Variants in CDC42BPA observed in about 807,000 individuals in gnomAD.
CDC42BPA encodes the protein serine/threonine-protein kinase MRCK alpha.
Under a neutral mutation model 223.5 loss-of-function variants are expected in CDC42BPA, and 80 were observed. That is an observed-to-expected ratio of 0.36 (90% CI 0.30 to 0.43). The LOEUF is 0.43. CDC42BPA is among the 20% of genes least tolerant of loss of function. The probability of loss-of-function intolerance (pLI) is 1.00; values close to 1 mark genes in which losing one functional copy is unlikely to be tolerated. For missense variants in CDC42BPA, 1,743 were observed against 2,099.9 expected (o/e 0.83, Z 3.32); for synonymous variants, 694 against 718.6 (o/e 0.97, Z 0.55).
intron 2 of CDC42BPA, among the ~76,000 whole-genome samples, chr1:227,232,992 T>G (rs1215652707): frequency 6.6e-6 from 1 of 152,176 alleles, no homozygotes; most frequent in African/African-American, 2.4e-5. Flanking sequence ...TCTGCCACCT[T>G]GCAGTTCGAT....
rs923643078 is a variant in CDC42BPA, at chr1:227,318,110, A to T, written c.-928T>A. 4.0e-5 allele frequency: 3 copies of T among 74,488 alleles called. No homozygotes were observed. The highest frequency in any genetic ancestry group is 6.1e-5 in the Non-Finnish European group (3 of 49,322). The allele number at this position is 74,488 out of a possible 1,614,324, so 4.6% of individuals were successfully genotyped here. A position where few individuals can be genotyped will look rare whatever the true frequency, so the allele number is the denominator to read the frequency against. On this transcript the variant is annotated 5_prime_UTR_variant, in exon 1 of 37. Transcript: ENST00000366766. ...GGGCAGAGAGCCCGGTCTCCCCGAC[A>T]CCCGCACCGGGCCGCCGCGCCGGAG...
intron 12 of CDC42BPA, among the ~76,000 whole-genome samples, chr1:227,118,980 T>C (rs1409179151): frequency 6.6e-6 from 1 of 152,126 alleles, no homozygotes; most frequent in Non-Finnish European, 1.5e-5. Flanking sequence ...GTTATTTGTT[T>C]TATTTTTAAT....
chr1:227,116,554 G>A (rs574081349), intron 12 of CDC42BPA, among the ~76,000 whole-genome samples: 2 of 152,216 alleles, frequency 1.3e-5, no homozygotes, highest in South Asian at 4.2e-4. Context: ...TGAGGTTCTA[G>A]CTAATACAGT....
chr1:227,226,162 T>C (rs918576202), intron 2 of CDC42BPA, among the ~76,000 whole-genome samples: 4 of 152,250 alleles, frequency 2.6e-5, no homozygotes, highest in Non-Finnish European at 5.9e-5. Context: ...ATTTCAATAC[T>C]GTTCTCTGTT....
chr1:227,019,248 CATTTT>C (rs1666909006), intron 32 of CDC42BPA, among the ~76,000 whole-genome samples: 2 of 152,076 alleles, frequency 1.3e-5, no homozygotes, highest in South Asian at 4.1e-4. Context: ...TTCAAGAAAC[CATTTT>C]TTTTTGCTTA....
Position 227,028,740 on chromosome 1 carries a change from T to C in CDC42BPA, c.4349A>G (p.Asn1450Ser). Residue 1450 changes from asparagine to serine, a missense_variant, in exon 30 of 37, where the codon AAC becomes AGC. Asn to Ser is a conservative substitution (Grantham distance 46). Around this residue, in one of 6 missense-constraint regions of CDC42BPA, gnomAD observed 678 missense variants for 777.5 expected, o/e 0.87. Coordinates refer to ENST00000366766, the MANE Select transcript of CDC42BPA (RefSeq NM_001394014.1). Reference protein sequence around the residue: ...ISSKEYLLCFNSIGIYTDCQG... With the variant: ...ISSKEYLLCFSSIGIYTDCQG... Reference sequence around the variant, plus strand: ...GCAGTCAGTGTATATCCCAATGCTGTTAAAACACAGCAGATATTCTTTACT... The same window carrying C: ...GCAGTCAGTGTATATCCCAATGCTGCTAAAACACAGCAGATATTCTTTACT... The C allele has an allele frequency of 6.2e-7, 1 of 1,614,082 alleles. No homozygotes were observed. The highest frequency in any genetic ancestry group is 2.2e-5 in the East Asian group (1 of 44,884).
rs575273910 is a variant in CDC42BPA at position 227,070,217 on chromosome 1, T to C, written c.2828-364A>G. On this transcript the variant is annotated intron_variant, in intron 20 of 36. Transcript: ENST00000366766. ...GCTAATTCAACACCAAACAGGCTTA[T>C]GTTTTGAAATACTCTTATCAAAGCA... Among the ~76,000 whole-genome samples the C allele has an allele frequency of 1.6e-4, 25 of 152,008 alleles. No individual in the cohort carries two copies. In the South Asian group the frequency reaches 5.2e-3, roughly 31 times the overall value.
chr1:227,151,368 T>G (rs1392163437), intron 6 of CDC42BPA, among the ~76,000 whole-genome samples: 1 of 152,236 alleles, frequency 6.6e-6, no homozygotes, highest in Admixed American at 6.5e-5. Context: ...TTCCATTGTA[T>G]GTATACAGCA....
intron 15 of CDC42BPA, among the ~76,000 whole-genome samples, chr1:227,093,217 G>T (rs1205419350): frequency 6.6e-6 from 1 of 152,158 alleles, no homozygotes; most frequent in Non-Finnish European, 1.5e-5. Flanking sequence ...GGGGCCATCT[G>T]ATGTTTATGA....
chr1:227,216,180 T>C (rs1558786311), intron 2 of CDC42BPA, among the ~76,000 whole-genome samples: 1 of 152,170 alleles, frequency 6.6e-6, no homozygotes, highest in Non-Finnish European at 1.5e-5. Context: ...CTATGCTTTA[T>C]CAAAAGATCA....
intron 12 of CDC42BPA, among the ~76,000 whole-genome samples, chr1:227,116,782 G>C (rs1008868437): frequency 2.6e-5 from 4 of 152,152 alleles, no homozygotes; most frequent in Admixed American, 2.0e-4. Context: ...AACTGATTTA[G>C]TAGTGAGAAA....
chr1:227,087,157 C>A (rs1408893972), intron 16 of CDC42BPA, among the ~76,000 whole-genome samples: 1 of 151,946 alleles, frequency 6.6e-6, no homozygotes, highest in Non-Finnish European at 1.5e-5. Context: ...CATTTTTAAC[C>A]CTGAATCACA....
At chr1:227,127,019 A>G (rs917540515) in intron 11 of CDC42BPA, among the ~76,000 whole-genome samples, 1 of 152,214 alleles carries the variant, frequency 6.6e-6, no homozygotes, top group African/African-American at 2.4e-5. Context: ...TAAAAATCCC[A>G]AAGAATCTAT....
In CDC42BPA at chr1:227,299,042, A is replaced by G. The variant is rs536850212; in HGVS notation, c.178+17963T>C. On this transcript the variant is annotated intron_variant, in intron 1 of 36. Transcript: ENST00000366766. ...GTTAAAGTGAAAGTCATTCTATGAA[A>G]GAAGAGTAAATTTGAACTAAACATT... 4.6e-5 allele frequency among the ~76,000 whole-genome samples: 7 copies of G among 152,324 alleles called. No individual in the cohort carries two copies. In the East Asian group the frequency reaches 1.2e-3, roughly 25 times the overall value.
intron 11 of CDC42BPA, among the ~76,000 whole-genome samples, chr1:227,123,094 G>A (rs1198206973): frequency 6.6e-6 from 1 of 152,226 alleles, no homozygotes; most frequent in Non-Finnish European, 1.5e-5. Context: ...CCTTAGGCCA[G>A]GGGTTCAAGA....
chr1:226,995,271 CAA>C (rs1261282792), intron 35 of CDC42BPA, among the ~76,000 whole-genome samples: 1 of 152,228 alleles, frequency 6.6e-6, no homozygotes, highest in East Asian at 1.9e-4. Context: ...CAGAATCCCT[CAA>C]GTCTCCACCT....
rs1682351029 is a variant in CDC42BPA at position 227,253,230 on chromosome 1, G to C, written c.270+834C>G. Among the ~76,000 whole-genome samples the C allele has an allele frequency of 2.0e-5, 3 of 148,376 alleles. No individual in the cohort carries two copies. The South Asian group carries it at 6.4e-4, about 32-fold the overall frequency. On this transcript the variant is annotated intron_variant, in intron 2 of 36. Transcript: ENST00000366766. The stretch of plus-strand genomic sequence containing the variant: ...GAAGAGAGAGGAGAGAGAGAGGAGG[G>C]AGAGAGAGAAAGAGAGCGAGAGAGA...
intron 23 of CDC42BPA, 85 bp downstream of exon 23, chr1:227,047,842 A>G (rs1367389396): frequency 8.7e-6 from 6 of 686,604 alleles, no homozygotes; most frequent in South Asian, 6.5e-5. Context: ...TGAAGAAATA[A>G]TATCAAAAAA....
chr1:227,035,326 T>TTA, intron 25 of CDC42BPA, 145 bp downstream of exon 25: 1 of 611,172 alleles, frequency 1.6e-6, no homozygotes, highest in Non-Finnish European at 2.7e-6. Context: ...TTGCAAATCA[T>TTA]TATTCTAGAT....
Sources: allele counts gnomAD v4.1 joint callset (sites outside exome capture counted in the v4.1 genomes callset), GRCh38; gene constraint gnomAD v4.1.1; regional missense constraint gnomAD v4.1.1; transcripts MANE v1.5; gene names NCBI Gene and HGNC (gene_info 2026-07-23, HGNC 2026-07-21).